CDH12: variants seen among roughly 807,000 people sequenced by gnomAD.
CDH12 encodes the protein cadherin-12.
In CDH12, 41 loss-of-function variants were observed where a neutral mutation model predicts 74.1. The ratio of observed to expected loss-of-function variants is 0.55; its 90% CI spans 0.43 to 0.72. The LOEUF (loss-of-function observed/expected upper bound fraction) is 0.72, where lower values mean the gene tolerates loss of function less well. Among genes scored for constraint, CDH12 ranks in the 30% least tolerant of loss-of-function variants. The probability of loss-of-function intolerance (pLI) is 0.00; values close to 1 mark genes in which losing one functional copy is unlikely to be tolerated. For synonymous variants in CDH12, 399 were observed against 355.0 expected, an observed-to-expected ratio of 1.12 and a Z score of -1.39; for missense variants, 945 against 977.2, an observed-to-expected ratio of 0.97 and a Z score of 0.44.
chr5:21,816,245 A>G (rs1328410525), intron 9 of CDH12, among the ~76,000 whole-genome samples: 2 of 152,136 alleles, frequency 1.3e-5, no homozygotes, highest in Non-Finnish European at 2.9e-5. Flanking sequence ...ATGATCCACT[A>G]GTGCTTAACA....
At chr5:22,693,721 A>C (rs1264927049) in intron 1 of CDH12, among the ~76,000 whole-genome samples, 1 of 151,084 alleles carries the variant, frequency 6.6e-6, no homozygotes, top group Non-Finnish European at 1.5e-5. Context: ...CATATTCTTC[A>C]TGCTCTATAA....
intron 5 of CDH12, among the ~76,000 whole-genome samples, chr5:21,984,678 G>C (rs1266475038): frequency 2.0e-5 from 3 of 152,140 alleles, no homozygotes; most frequent in Non-Finnish European, 4.4e-5. Flanking sequence ...GATGCTTTCC[G>C]AAGAGGAGTT....
At chr5:21,915,530 G>A (rs1754047133) in intron 6 of CDH12, among the ~76,000 whole-genome samples, 1 of 152,196 alleles carries the variant, frequency 6.6e-6, no homozygotes, top group African/African-American at 2.4e-5. Flanking sequence ...TGGTACTGGA[G>A]AGTGTAGATT....
intron 3 of CDH12, among the ~76,000 whole-genome samples, chr5:22,306,231 G>GT (rs1738106003): frequency 6.6e-6 from 1 of 152,128 alleles, no homozygotes; most frequent in African/African-American, 2.4e-5. Context: ...GCACATGGCC[G>GT]TTTGTATCTT....
intron 1 of CDH12, among the ~76,000 whole-genome samples, chr5:22,601,275 C>A (rs1369162242): frequency 6.6e-6 from 1 of 151,850 alleles, no homozygotes; most frequent in African/African-American, 2.4e-5. Context: ...TATTTTGTCA[C>A]CGGGTATTAA....
In CDH12 at chr5:22,614,898, G is replaced by A. The variant is rs1580818196; in HGVS notation, c.-522-109534C>T. ...CTGTGACAGTTAATCTGATCACAGAGACGGTTACCAAGCAACTCATGGGTA... is the reference window on the plus strand; with the variant it reads ...CTGTGACAGTTAATCTGATCACAGAAACGGTTACCAAGCAACTCATGGGTA... On this transcript the variant is annotated intron_variant, in intron 1 of 14. Coordinates refer to ENST00000382254, the MANE Select transcript of CDH12 (RefSeq NM_004061.5). Among the ~76,000 whole-genome samples the A allele has an allele frequency of 2.0e-5, 3 of 152,034 alleles. No individual in the cohort carries two copies. The South Asian group carries it at 6.2e-4, about 31-fold the overall frequency.
chr5:22,258,820 G>C (rs1231277190), intron 3 of CDH12, among the ~76,000 whole-genome samples: 1 of 152,122 alleles, frequency 6.6e-6, no homozygotes, highest in Non-Finnish European at 1.5e-5. Context: ...ACGTAGCCTA[G>C]GTGTGTAGGA....
At chr5:22,850,031 T>G (rs1436474333) in intron 1 of CDH12, among the ~76,000 whole-genome samples, 1 of 152,110 alleles carries the variant, frequency 6.6e-6, no homozygotes, top group Non-Finnish European at 1.5e-5. Context: ...TGATAATTAA[T>G]AATTGAGTAA....
chr5:22,515,406 A>G (rs558336924), intron 1 of CDH12, among the ~76,000 whole-genome samples: 4 of 152,244 alleles, frequency 2.6e-5, no homozygotes, highest in Non-Finnish European at 5.9e-5. Context: ...TCAATAATAA[A>G]CCAAAATATA....
Position 21,755,572 on chromosome 5 carries a change from G to T in CDH12, c.1885+19C>A. 1.2e-6 allele frequency: 2 copies of T among 1,602,254 alleles called. No homozygotes were observed. The highest frequency in any genetic ancestry group is 1.1e-5 in the South Asian group (1 of 90,678). The stretch of plus-strand genomic sequence containing the variant: ...GAGAGAGCGAGAAAAAATTAACAAT[G>T]ATTAATATTGAAACCAACCTAAGAG... On this transcript the variant is annotated intron_variant, in intron 14 of 14. Coordinates refer to ENST00000382254, the MANE Select transcript of CDH12 (RefSeq NM_004061.5).
intron 5 of CDH12, among the ~76,000 whole-genome samples, chr5:22,067,548 T>C (rs144624702): frequency 3.7e-4 from 57 of 152,266 alleles, no homozygotes; most frequent in African/African-American, 1.3e-3. Flanking sequence ...AGATGCAGTC[T>C]GCTACGTAGA....
intron 11 of CDH12, among the ~76,000 whole-genome samples, chr5:21,770,401 A>T (rs1366044336): frequency 6.6e-6 from 1 of 152,124 alleles, no homozygotes; most frequent in Non-Finnish European, 1.5e-5. Flanking sequence ...AGGCAAGTGG[A>T]TCACCTGAGG....
rs1188202044 is a variant in CDH12 at position 22,810,616 on chromosome 5, C to T, written c.-523+42442G>A. On this transcript the variant is annotated intron_variant, in intron 1 of 14. Coordinates refer to ENST00000382254, the MANE Select transcript of CDH12 (RefSeq NM_004061.5). ...ATTAGAAATAAAAATGGGCCACGCA[C>T]CTGTAATCCCAGCACTTTGGAAGGC... Among the ~76,000 whole-genome samples the T allele has an allele frequency of 3.9e-5, 6 of 152,220 alleles. 2 individuals carry two copies. In the South Asian group the frequency reaches 1.0e-3, roughly 26 times the overall value.
chr5:22,004,093 T>C (rs1316457682), intron 5 of CDH12, among the ~76,000 whole-genome samples: 1 of 152,162 alleles, frequency 6.6e-6, no homozygotes, highest in Non-Finnish European at 1.5e-5. Context: ...TTTATCTTGA[T>C]ATCAGTGAAT....
chr5:22,514,119 G>A (rs1292686316), intron 1 of CDH12, among the ~76,000 whole-genome samples: 1 of 151,538 alleles, frequency 6.6e-6, no homozygotes, highest in Non-Finnish European at 1.5e-5. Flanking sequence ...GAGACTATGG[G>A]TCAAATGAAT....
chr5:22,761,660 C>A (rs970543219), intron 1 of CDH12, among the ~76,000 whole-genome samples: 1 of 152,048 alleles, frequency 6.6e-6, no homozygotes, highest in African/African-American at 2.4e-5. Flanking sequence ...TTCTGGAAAC[C>A]AATTTATTCC....
chr5:22,483,127 G>T (rs1746447193), intron 2 of CDH12, among the ~76,000 whole-genome samples: 1 of 152,108 alleles, frequency 6.6e-6, no homozygotes, highest in African/African-American at 2.4e-5. Context: ...AATTAGAAAA[G>T]AAAATACAGG....
At position 22,450,841 on chromosome 5, in the gene CDH12, C is replaced by T. The variant is rs1745011105; in HGVS notation, c.-427-45490G>A. On this transcript the variant is annotated intron_variant, in intron 2 of 14. Coordinates refer to ENST00000382254, the MANE Select transcript of CDH12 (RefSeq NM_004061.5). The stretch of plus-strand genomic sequence containing the variant: ...AAGTAGAGTTCCCTGCCAAAATTCT[C>T]CTGTCTCCAGGTTTCTAGACCCACC... 2.0e-5 allele frequency among the ~76,000 whole-genome samples: 3 copies of T among 151,230 alleles called. No individual in the cohort carries two copies. In the South Asian group the frequency reaches 6.2e-4, roughly 31 times the overall value.
chr5:22,839,350 G>GTT (rs1736982657), intron 1 of CDH12, among the ~76,000 whole-genome samples: 1 of 135,236 alleles, frequency 7.4e-6, no homozygotes, highest in South Asian at 2.5e-4. Context: ...AAAATTACTT[G>GTT]TCTTTTTTTT....
Sources: allele counts gnomAD v4.1 joint callset (sites outside exome capture counted in the v4.1 genomes callset), GRCh38; gene constraint gnomAD v4.1.1; transcripts MANE v1.5; gene names NCBI Gene and HGNC (gene_info 2026-07-23, HGNC 2026-07-21).